The following TBCEL variants were observed in gnomAD, a reference collection of about 807,000 sequenced individuals.
The protein encoded by TBCEL is tubulin folding cofactor E like.
A neutral mutation model predicts 44.2 loss-of-function variants in TBCEL; 15 were observed. The observed-to-expected ratio is 0.34, with a 90% CI of 0.23 to 0.52. TBCEL has a LOEUF of 0.52. Among genes scored for constraint, TBCEL ranks in the 20% least tolerant of loss-of-function variants. The probability of loss-of-function intolerance (pLI) is 0.95; values close to 1 mark genes in which losing one functional copy is unlikely to be tolerated. For synonymous variants in TBCEL, 171 were observed against 185.4 expected (o/e 0.92, Z 0.63); for missense variants, 319 against 506.3 (o/e 0.63, Z 3.55).
chr11:121,042,804 T>C (rs1406290643), intron 2 of TBCEL, among the ~76,000 whole-genome samples: 1 of 152,144 alleles, frequency 6.6e-6, no homozygotes, highest in East Asian at 1.9e-4. Context: ...ATTCATACTT[T>C]TTTCAAATTC....
intron 1 of TBCEL, among the ~76,000 whole-genome samples, chr11:121,029,063 C>T (rs1369324660): frequency 6.6e-6 from 1 of 152,112 alleles, no homozygotes; most frequent in African/African-American, 2.4e-5. Context: ...CTTTATTTTG[C>T]ATTTCTCACT....
Position 121,090,700 on chromosome 11 carries a change from G to C in TBCEL, c.*3604G>C, listed in dbSNP as rs1451390963. On this transcript the variant is annotated 3_prime_UTR_variant, in exon 9 of 9. Coordinates refer to ENST00000683345, the MANE Select transcript of TBCEL (RefSeq NM_001363644.2). ...TTTATTTAGAATATAATTTAAACAT[G>C]AAGGTCTATTCTTTGCACTTTTTAT... The C allele has an allele frequency of 6.7e-6, 1 of 149,848 alleles. No homozygotes were observed. The highest frequency in any genetic ancestry group is 1.5e-5 in the Non-Finnish European group (1 of 67,586). The allele number at this position is 149,848 out of a possible 1,614,324, so 9.3% of individuals were successfully genotyped here. A position where few individuals can be genotyped will look rare whatever the true frequency, so the allele number is the denominator to read the frequency against.
At chr11:121,062,906 T>C (rs771405847) in intron 8 of TBCEL, among the ~76,000 whole-genome samples, 6 of 152,170 alleles carry the variant, frequency 3.9e-5, no homozygotes, top group Non-Finnish European at 8.8e-5. Context: ...AGCTGCATCA[T>C]TGGACTTTTT....
At chr11:121,051,408 A>T (rs953275803) in intron 4 of TBCEL, among the ~76,000 whole-genome samples, 4 of 151,792 alleles carry the variant, frequency 2.6e-5, no homozygotes, top group Non-Finnish European at 5.9e-5. Flanking sequence ...GGGTTGTCCT[A>T]TAAGTTATTC....
chr11:121,069,337 G>T (rs767801167), intron 8 of TBCEL, among the ~76,000 whole-genome samples: 1 of 152,212 alleles, frequency 6.6e-6, no homozygotes, highest in Admixed American at 6.5e-5. Context: ...ACTTAGGTCT[G>T]CTGGAAGAGG....
At chr11:121,049,863 C>G (rs138596605) in intron 4 of TBCEL, among the ~76,000 whole-genome samples, 40 of 151,778 alleles carry the variant, frequency 2.6e-4, no homozygotes, top group Admixed American at 5.3e-4. Flanking sequence ...CCTGCTTAGA[C>G]AAAAGTCTAT....
chr11:121,032,365 A>T (rs1170774298), intron 1 of TBCEL, among the ~76,000 whole-genome samples: 1 of 152,232 alleles, frequency 6.6e-6, no homozygotes, highest in Non-Finnish European at 1.5e-5. Flanking sequence ...GTTGCCATGA[A>T]CAGTGAATTA....
At chr11:121,064,982 C>T (rs968291385) in intron 8 of TBCEL, among the ~76,000 whole-genome samples, 5 of 152,024 alleles carry the variant, frequency 3.3e-5, no homozygotes, top group Admixed American at 6.6e-5. Context: ...CCCGCCACCA[C>T]GCCCAGCTAA....
intron 1 of TBCEL, among the ~76,000 whole-genome samples, chr11:121,029,336 C>T (rs1945103200): frequency 6.6e-6 from 1 of 152,178 alleles, no homozygotes; most frequent in Non-Finnish European, 1.5e-5. Context: ...CTCATATCAG[C>T]TCCTCCATTT....
intron 1 of TBCEL, among the ~76,000 whole-genome samples, chr11:121,030,409 A>G (rs1212212153): frequency 6.6e-6 from 1 of 152,224 alleles, no homozygotes; most frequent in Admixed American, 6.5e-5. Context: ...TTTTGAAAAG[A>G]TCACTTGGCT....
At chr11:121,067,463 C>G (rs768471274) in intron 8 of TBCEL, among the ~76,000 whole-genome samples, 25 of 152,234 alleles carry the variant, frequency 1.6e-4, no homozygotes, top group Non-Finnish European at 3.1e-4. Flanking sequence ...TTTAGCCTCT[C>G]TGCTCTAGCT....
chr11:121,078,461 T>G (rs1026865838), intron 8 of TBCEL, among the ~76,000 whole-genome samples: 9 of 152,190 alleles, frequency 5.9e-5, no homozygotes, highest in Admixed American at 2.0e-4. Context: ...CTGCAGTAAT[T>G]ACAGAGCTAG....
Position 121,059,976 on chromosome 11 carries a change from T to C in TBCEL, c.847T>C (p.Ser283Pro), listed in dbSNP as rs1464033871. 6.2e-7 allele frequency: 1 copy of C among 1,608,980 alleles called. No homozygotes were observed. Among genetic ancestry groups the C allele is most frequent in the Admixed American group, 1.7e-5 (1 of 59,652 alleles). Residue 283 changes from serine (S) to proline (P), a missense_variant, in exon 8 of 9, where the codon TCA becomes CCA. By Grantham distance (74) the Ser-to-Pro change is moderately conservative. Transcript: ENST00000683345. ...RRKLVIARLP[S>P]VSKLNGSVVT... ...TTTGGTTTTAACTTATAGATTGCCA[T>C]CAGTTTCCAAACTTAATGGCAGCGT...
At chr11:121,064,331 A>G (rs1255673243) in intron 8 of TBCEL, among the ~76,000 whole-genome samples, 3 of 152,226 alleles carry the variant, frequency 2.0e-5, no homozygotes, top group African/African-American at 2.4e-5. Context: ...TGGGAATATG[A>G]TAAGTAGTCA....
At chr11:121,047,860 C>A in intron 4 of TBCEL, 193 bp downstream of exon 4, 1 of 556,520 alleles carries the variant, frequency 1.8e-6, no homozygotes, top group Non-Finnish European at 2.8e-6. Context: ...GCTAAGGAGG[C>A]TGAGGCAGGA....
At chr11:121,033,961 T>C (rs977835151) in intron 1 of TBCEL, among the ~76,000 whole-genome samples, 2 of 152,190 alleles carry the variant, frequency 1.3e-5, no homozygotes, top group African/African-American at 4.8e-5. Context: ...TGTTGTAGCA[T>C]GTGTCAAATT....
chr11:121,064,791 A>G (rs1008539101), intron 8 of TBCEL, among the ~76,000 whole-genome samples: 6 of 152,082 alleles, frequency 3.9e-5, no homozygotes, highest in African/African-American at 1.4e-4. Context: ...TGACACAATA[A>G]TAATTATAAT....
rs1282016741 is a variant in TBCEL, at chr11:121,062,234, A to G, written c.956+2149A>G. Among the ~76,000 whole-genome samples, 3 of 152,202 alleles carry G rather than the reference A, an allele frequency of 2.0e-5. No individual in the cohort carries two copies. In the East Asian group the frequency reaches 5.8e-4, roughly 29 times the overall value. On this transcript the variant is annotated intron_variant, in intron 8 of 8. Transcript: ENST00000683345. ...ATATATGGAGTCTTTATCTCCTATG[A>G]TAGTAGTGCCTTCCTCTGGAATACC...
intron 8 of TBCEL, among the ~76,000 whole-genome samples, chr11:121,079,610 A>G (rs1215734444): frequency 1.3e-5 from 2 of 152,164 alleles, no homozygotes; most frequent in African/African-American, 4.8e-5. Flanking sequence ...ATGTGTTTTA[A>G]TAAGTGGAAT....
Sources: gnomAD v4.1 joint callset for allele counts (sites outside exome capture counted in the v4.1 genomes callset) on GRCh38, gnomAD v4.1.1 for gene constraint, MANE v1.5 for transcripts, NCBI Gene and HGNC (gene_info 2026-07-23, HGNC 2026-07-21) for gene names.